The following SGCD variants were observed in gnomAD, a reference collection of about 807,000 sequenced individuals.
SGCD encodes the protein delta-sarcoglycan.
A neutral mutation model predicts 36.6 loss-of-function variants in SGCD; 18 were observed. The ratio of observed to expected loss-of-function variants is 0.49; its 90% CI spans 0.34 to 0.73. The LOEUF (loss-of-function observed/expected upper bound fraction) is 0.73. Among genes scored for constraint, SGCD ranks in the 30% least tolerant of loss-of-function variants. The pLI is 0.01. For synonymous variants in SGCD, 133 were observed against 130.6 expected (o/e 1.02, Z -0.12); for missense variants, 387 against 346.7 (o/e 1.12, Z -0.92).
chr5:155,837,529 A>G, the SGCD span, among the ~76,000 whole-genome samples: 9 of 152,284 alleles, frequency 5.9e-5, no homozygotes, highest in Non-Finnish European at 1.3e-4. Flanking sequence ...TGCCAGGGGC[A>G]CCATAAAGCA....
intron 3 of SGCD, among the ~76,000 whole-genome samples, chr5:156,429,734 A>G (rs1397650079): frequency 1.3e-5 from 2 of 152,066 alleles, no homozygotes; most frequent in Non-Finnish European, 2.9e-5. Context: ...TTCTCTCAGC[A>G]TTTGTTTGTC....
At chr5:156,223,973 T>C (rs1463194908) in intron 3 of SGCD, among the ~76,000 whole-genome samples, 1 of 151,894 alleles carries the variant, frequency 6.6e-6, no homozygotes, top group African/African-American at 2.4e-5. Flanking sequence ...ATGATCTATA[T>C]CTTCTTTGAC....
intron 2 of SGCD, among the ~76,000 whole-genome samples, chr5:156,123,151 G>A (rs960195145): frequency 1.3e-5 from 2 of 152,134 alleles, no homozygotes; most frequent in African/African-American, 4.8e-5. Context: ...CCCAAGTAGA[G>A]TTGTTGAAGA....
chr5:155,771,780 G>C, the SGCD span, among the ~76,000 whole-genome samples: 3 of 151,932 alleles, frequency 2.0e-5, no homozygotes, highest in African/African-American at 7.3e-5. Flanking sequence ...TTGAACTCCT[G>C]GGCTCAAGTG....
the SGCD span, among the ~76,000 whole-genome samples, chr5:155,775,038 A>G: frequency 2.6e-5 from 4 of 152,170 alleles, no homozygotes; most frequent in African/African-American, 7.2e-5. Flanking sequence ...CCATGCAAAC[A>G]AGGAATTCAG....
chr5:156,175,735 G>C (rs1763450410), intron 3 of SGCD, among the ~76,000 whole-genome samples: 1 of 152,152 alleles, frequency 6.6e-6, no homozygotes, highest in African/African-American at 2.4e-5. Context: ...GAAGTCATGG[G>C]CTTTTAGAAA....
At chr5:156,356,325 G>A (rs1769489182) in intron 3 of SGCD, among the ~76,000 whole-genome samples, 1 of 152,162 alleles carries the variant, frequency 6.6e-6, no homozygotes, top group South Asian at 2.1e-4. Flanking sequence ...ATCTCCAGGT[G>A]TGTTTACTTA....
At chr5:156,724,149 TGGCCA>T (rs1022089175) in intron 7 of SGCD, among the ~76,000 whole-genome samples, 1 of 152,152 alleles carries the variant, frequency 6.6e-6, no homozygotes, top group African/African-American at 2.4e-5. Flanking sequence ...TAGAAATCTC[TGGCCA>T]GGCCTGTCAT....
At chr5:156,717,971 C>T (rs1378682630) in intron 7 of SGCD, among the ~76,000 whole-genome samples, 5 of 152,124 alleles carry the variant, frequency 3.3e-5, no homozygotes, top group Non-Finnish European at 5.9e-5. Flanking sequence ...TTCTTCCATC[C>T]TGACAGTACT....
chr5:156,100,380 A>G (rs1263543330), intron 1 of SGCD, among the ~76,000 whole-genome samples: 1 of 152,126 alleles, frequency 6.6e-6, no homozygotes, highest in East Asian at 1.9e-4. Flanking sequence ...AATGTCCAAA[A>G]CTTTAATTGG....
chr5:156,374,606 A>G (rs182151367), intron 3 of SGCD, among the ~76,000 whole-genome samples: 19 of 151,982 alleles, frequency 1.3e-4, no homozygotes, highest in Admixed American at 4.6e-4. Context: ...AAAAGTCTCA[A>G]TTGTTTCTTG....
chr5:156,000,814 A>ATATATATATTTT (rs942775546), intron 1 of SGCD, among the ~76,000 whole-genome samples: 2 of 151,502 alleles, frequency 1.3e-5, no homozygotes, highest in African/African-American at 4.9e-5. Flanking sequence ...ATATATATAT[A>ATATATATATTTT]TTTTTGCCCT....
intron 6 of SGCD, among the ~76,000 whole-genome samples, chr5:156,596,588 T>C (rs1760934416): frequency 6.6e-6 from 1 of 152,192 alleles, no homozygotes; most frequent in South Asian, 2.1e-4. Context: ...CTTTGCATCT[T>C]CTTTATCTTC....
chr5:156,529,577 C>G (rs528573825), intron 4 of SGCD, among the ~76,000 whole-genome samples: 1 of 151,130 alleles, frequency 6.6e-6, no homozygotes, highest in Non-Finnish European at 1.5e-5. Context: ...AAAACAGATT[C>G]ATCTTCTGGC....
At chr5:156,337,923 C>T (rs535860779) in intron 2 of SGCD, among the ~76,000 whole-genome samples, 4 of 152,242 alleles carry the variant, frequency 2.6e-5, no homozygotes, top group African/African-American at 9.6e-5. Flanking sequence ...CAGTGCATAA[C>T]TGAACAGAGA....
chr5:156,701,573 G>C (rs1222216871), intron 7 of SGCD, among the ~76,000 whole-genome samples: 4 of 152,178 alleles, frequency 2.6e-5, no homozygotes, highest in Non-Finnish European at 5.9e-5. Context: ...ACTGGTGATA[G>C]AGAAGGGAAG....
chr5:156,306,583 C>G (rs1284682321), intron 3 of SGCD, among the ~76,000 whole-genome samples: 2 of 152,218 alleles, frequency 1.3e-5, no homozygotes, highest in African/African-American at 4.8e-5. Flanking sequence ...CCCAAGCACA[C>G]AGATTTTTCC....
At chr5:156,712,980 A>G (rs1755060649) in intron 7 of SGCD, among the ~76,000 whole-genome samples, 1 of 152,176 alleles carries the variant, frequency 6.6e-6, no homozygotes, top group Non-Finnish European at 1.5e-5. Context: ...AGAGAGACAA[A>G]TGCTTCCCAC....
At chr5:156,405,627 A>T (rs1772363599) in intron 3 of SGCD, among the ~76,000 whole-genome samples, 1 of 152,216 alleles carries the variant, frequency 6.6e-6, no homozygotes. Flanking sequence ...GCTCTCTTCA[A>T]GGAAACTTCT....
Sources: gnomAD v4.1 joint callset for allele counts (sites outside exome capture counted in the v4.1 genomes callset) on GRCh38, gnomAD v4.1.1 for gene constraint, MANE v1.5 for transcripts, NCBI Gene and HGNC (gene_info 2026-07-23, HGNC 2026-07-21) for gene names.